The following EYA1 variants were observed in gnomAD, a reference collection of about 807,000 sequenced individuals.
The protein encoded by EYA1 is EYA transcriptional coactivator and phosphatase 1, also known as protein phosphatase EYA1.
EYA1 carries 16 observed loss-of-function variants against 82.0 expected under a neutral mutation model. The ratio of observed to expected loss-of-function variants is 0.20; its 90% CI spans 0.13 to 0.30. The LOEUF (loss-of-function observed/expected upper bound fraction) is 0.30, where lower values mean the gene tolerates loss of function less well. Ranked by LOEUF, EYA1 falls within the 10% of genes least tolerant of loss-of-function variation. The pLI is 1.00. For synonymous variants in EYA1, 261 were observed against 264.4 expected (o/e 0.99, Z 0.12); for missense variants, 633 against 730.7 (o/e 0.87, Z 1.54).
At chr8:71,485,816 A>G (rs1161255414) in intron 2 of EYA1, among the ~76,000 whole-genome samples, 4 of 152,186 alleles carry the variant, frequency 2.6e-5, no homozygotes, top group African/African-American at 9.7e-5. Context: ...GGGATTTTTC[A>G]CTGAGGTCCA....
At position 71,415,763 on chromosome 8, in the gene EYA1, G is replaced by C. The variant is rs189758904; in HGVS notation, c.34-59252C>G. ...TCACGGCTCCTGTGTTGCATGTTCA[G>C]CAATGAAGGTAGAACAAAAGATAGC... On this transcript the variant is annotated intron_variant, in intron 2 of 18. Transcript: ENST00000643681. Among the ~76,000 whole-genome samples the C allele has an allele frequency of 3.5e-3, 535 of 152,300 alleles. 9 individuals carry two copies. Among genetic ancestry groups the C allele is most frequent in the Non-Finnish European group, 2.7e-3 (184 of 68,032 alleles).
At chr8:71,374,779 TAAAG>T (rs1296782797) in intron 2 of EYA1, among the ~76,000 whole-genome samples, 2 of 152,034 alleles carry the variant, frequency 1.3e-5, no homozygotes, top group Non-Finnish European at 2.9e-5. Context: ...AGATAATGAA[TAAAG>T]AAACTGTGGT....
chr8:71,322,501 G>A (rs1426626539), intron 4 of EYA1: 2 of 534,274 alleles, frequency 3.7e-6, no homozygotes, highest in Non-Finnish European at 6.7e-6. Context: ...TGAACTCTTA[G>A]AAAACGTCAT....
chr8:71,274,559 C>A (rs1435350369), intron 9 of EYA1, among the ~76,000 whole-genome samples: 1 of 152,118 alleles, frequency 6.6e-6, no homozygotes, highest in African/African-American at 2.4e-5. Context: ...CACGTTCACA[C>A]CATGCAGGCA....
chr8:71,328,720 A>G (rs1823453957), intron 4 of EYA1, among the ~76,000 whole-genome samples: 1 of 152,108 alleles, frequency 6.6e-6, no homozygotes. Context: ...AATGACCCAC[A>G]TCCTGGACAC....
intron 2 of EYA1, among the ~76,000 whole-genome samples, chr8:71,370,253 G>A (rs114881552): frequency 0.014 from 2,083 of 151,700 alleles, 23 homozygotes; most frequent in Middle Eastern, 0.031. Context: ...TTGTAGGTGT[G>A]TCCACAACAC....
chr8:71,272,025 G>A (rs1286819738), intron 9 of EYA1, 128 bp from the exon 10 acceptor site: 18 of 969,986 alleles, frequency 1.9e-5, no homozygotes, highest in African/African-American at 1.1e-4. Flanking sequence ...ATCCTACATC[G>A]TCTTTTACTT....
chr8:71,449,423 G>C (rs1306521828), intron 2 of EYA1, among the ~76,000 whole-genome samples: 1 of 152,208 alleles, frequency 6.6e-6, no homozygotes, highest in African/African-American at 2.4e-5. Context: ...CAGAGCTCTT[G>C]AGTGACTGGG....
intron 2 of EYA1, among the ~76,000 whole-genome samples, chr8:71,382,656 CTT>C (rs1359060106): frequency 1.3e-5 from 2 of 151,964 alleles, no homozygotes; most frequent in African/African-American, 2.4e-5. Flanking sequence ...GATATATACA[CTT>C]ATTTCTTAAA....
chr8:71,232,329 C>T (rs1585897210), intron 12 of EYA1, among the ~76,000 whole-genome samples: 2 of 152,252 alleles, frequency 1.3e-5, no homozygotes, highest in Admixed American at 6.5e-5. Flanking sequence ...GGCTCTGCTC[C>T]ACAGTGACTT....
intron 2 of EYA1, among the ~76,000 whole-genome samples, chr8:71,492,842 G>C (rs1723703867): frequency 6.6e-6 from 1 of 152,158 alleles, no homozygotes; most frequent in African/African-American, 2.4e-5. Flanking sequence ...AGTGTGCTAT[G>C]CAGATTATTT....
chr8:71,316,178 A>G (rs1230768780), intron 7 of EYA1, among the ~76,000 whole-genome samples: 1 of 152,184 alleles, frequency 6.6e-6, no homozygotes, highest in African/African-American at 2.4e-5. Context: ...AAAGAAAGGT[A>G]TCAAATGTGT....
intron 3 of EYA1, among the ~76,000 whole-genome samples, chr8:71,349,468 TA>T (rs1826090451): frequency 6.6e-6 from 1 of 152,250 alleles, no homozygotes; most frequent in Non-Finnish European, 1.5e-5. Context: ...ACTCAGAACT[TA>T]ATTCAAGTAC....
chr8:71,461,373 C>T (rs1037180179), intron 2 of EYA1, among the ~76,000 whole-genome samples: 12 of 152,146 alleles, frequency 7.9e-5, no homozygotes, highest in Non-Finnish European at 1.8e-4. Flanking sequence ...CAGGCAGCTC[C>T]AGGTGCCAGC....
intron 2 of EYA1, among the ~76,000 whole-genome samples, chr8:71,509,327 G>A (rs1166000701): frequency 6.6e-6 from 1 of 152,090 alleles, no homozygotes; most frequent in African/African-American, 2.4e-5. Flanking sequence ...AACTTCACGA[G>A]TATTTTATAA....
At chr8:71,446,036 A>G (rs1173515666) in intron 2 of EYA1, among the ~76,000 whole-genome samples, 1 of 152,208 alleles carries the variant, frequency 6.6e-6, no homozygotes, top group African/African-American at 2.4e-5. Flanking sequence ...CTTGGTAAAT[A>G]TATATATTTT....
intron 2 of EYA1, among the ~76,000 whole-genome samples, chr8:71,416,663 C>T (rs1048551711): frequency 6.6e-5 from 10 of 152,162 alleles, no homozygotes; most frequent in African/African-American, 1.9e-4. Context: ...TAATCTTGCC[C>T]TCCAAGTGTA....
intron 2 of EYA1, among the ~76,000 whole-genome samples, chr8:71,510,572 G>T (rs1462771669): frequency 6.6e-6 from 1 of 152,278 alleles, no homozygotes; most frequent in Non-Finnish European, 1.5e-5. Flanking sequence ...GAAGGAGAAA[G>T]CCCCTTATAA....
intron 1 of EYA1, among the ~76,000 whole-genome samples, chr8:71,542,513 G>T (rs1300244526): frequency 1.3e-5 from 2 of 152,162 alleles, no homozygotes; most frequent in Non-Finnish European, 2.9e-5. Context: ...AAATAGTGCT[G>T]CACTGAACAT....
Sources: gnomAD v4.1 joint callset for allele counts (sites outside exome capture counted in the v4.1 genomes callset) on GRCh38, gnomAD v4.1.1 for gene constraint, MANE v1.5 for transcripts, NCBI Gene and HGNC (gene_info 2026-07-23, HGNC 2026-07-21) for gene names.